The following CNTNAP2 variants were observed in gnomAD, a reference collection of about 807,000 sequenced individuals.
The protein encoded by CNTNAP2 is contactin associated protein 2.
A neutral mutation model predicts 155.2 loss-of-function variants in CNTNAP2; 98 were observed. The ratio of observed to expected loss-of-function variants is 0.63; its 90% confidence interval spans 0.54 to 0.75. CNTNAP2 has a LOEUF of 0.75. Ranked by LOEUF, CNTNAP2 falls within the 30% of genes least tolerant of loss-of-function variation. CNTNAP2 has a pLI of 0.00. For synonymous variants in CNTNAP2, 651 were observed against 631.2 expected (o/e 1.03, Z -0.47); for missense variants, 1,727 against 1,688.1 (o/e 1.02, Z -0.40).
At chr7:146,274,299 G>T (rs187556270) in intron 1 of CNTNAP2, among the ~76,000 whole-genome samples, 3 of 152,272 alleles carry the variant, frequency 2.0e-5, no homozygotes, top group South Asian at 2.1e-4. Context: ...TGCAAATGGC[G>T]TAAGAAATGG....
chr7:146,268,692 T>C (rs6970389), intron 1 of CNTNAP2, among the ~76,000 whole-genome samples: 2,932 of 152,270 alleles, frequency 0.019, 113 homozygotes, highest in African/African-American at 0.067. Flanking sequence ...GAAAGAATAA[T>C]TCATTTAGTT....
chr7:146,240,679 A>G (rs541383810), intron 1 of CNTNAP2, among the ~76,000 whole-genome samples: 1 of 152,268 alleles, frequency 6.6e-6, no homozygotes, highest in African/African-American at 2.4e-5. Flanking sequence ...AGAATTCACA[A>G]ATTCCAGGAT....
At chr7:148,062,011 T>TG (rs1554468163) in intron 15 of CNTNAP2, among the ~76,000 whole-genome samples, 65 of 84,196 alleles carry the variant, frequency 7.7e-4, no homozygotes, top group Non-Finnish European at 1.3e-3. Flanking sequence ...AGATAGATGA[T>TG]AGAGAGAGAG....
At chr7:146,559,890 A>G (rs1044859034) in intron 1 of CNTNAP2, among the ~76,000 whole-genome samples, 15 of 152,270 alleles carry the variant, frequency 9.9e-5, no homozygotes, top group Non-Finnish European at 2.2e-4. Flanking sequence ...CATGGAAATT[A>G]AATGCCCGTC....
At chr7:148,019,385 C>A (rs570799587) in intron 15 of CNTNAP2, among the ~76,000 whole-genome samples, 1 of 152,292 alleles carries the variant, frequency 6.6e-6, no homozygotes, top group East Asian at 1.9e-4. Flanking sequence ...TCGCTTCTTG[C>A]CTCCCAATAT....
Position 148,419,084 on chromosome 7 carries a change from T to C in CNTNAP2, c.*3468T>C, listed in dbSNP as rs927284559. On this transcript the variant is annotated 3_prime_UTR_variant, in exon 24 of 24. Coordinates refer to ENST00000361727, the MANE Select transcript of CNTNAP2 (RefSeq NM_014141.6). ...TTTTCTTTCCTTCTATGATGGAATC[T>C]GTTCTTTTCTATCCTACTTTTTTCT... 1 of 152,268 alleles carries C rather than the reference T, an allele frequency of 6.6e-6. No homozygotes were observed. Among genetic ancestry groups the C allele is most frequent in the Non-Finnish European group, 1.5e-5 (1 of 68,086 alleles). The allele number at this position is 152,268 out of a possible 1,614,324, so 9.4% of individuals were successfully genotyped here. A position where few individuals can be genotyped will look rare whatever the true frequency, so the allele number is the denominator to read the frequency against.
intron 11 of CNTNAP2, among the ~76,000 whole-genome samples, chr7:147,553,316 T>C (rs536163862): frequency 6.6e-6 from 1 of 152,108 alleles, no homozygotes; most frequent in Non-Finnish European, 1.5e-5. Context: ...GAGAAAACCA[T>C]TAAATGATCT....
rs1220710200 is a variant in CNTNAP2, at chr7:146,389,023, T to C, written c.97+272050T>C. ...AGAACTGGCTTTCCAAACAAATTAA[T>C]AGCACAAGTGTTGAAAGGCCAAAAC... On this transcript the variant is annotated intron_variant, in intron 1 of 23. Coordinates refer to ENST00000361727, the MANE Select transcript of CNTNAP2 (RefSeq NM_014141.6). Among the ~76,000 whole-genome samples the C allele has an allele frequency of 2.6e-5, 4 of 152,094 alleles. No homozygotes were observed. The East Asian group carries it at 7.7e-4, about 29-fold the overall frequency.
chr7:146,230,860 C>CA (rs1216079595), intron 1 of CNTNAP2, among the ~76,000 whole-genome samples: 2 of 151,896 alleles, frequency 1.3e-5, no homozygotes, highest in Non-Finnish European at 2.9e-5. Flanking sequence ...ACTAACAATA[C>CA]AAAAAATAGC....
chr7:146,220,723 C>T (rs542615218), intron 1 of CNTNAP2, among the ~76,000 whole-genome samples: 18 of 152,096 alleles, frequency 1.2e-4, no homozygotes, highest in Non-Finnish European at 2.1e-4. Context: ...TTCTGTTACA[C>T]AAAAACTTTT....
chr7:148,301,306 A>ATAT (rs1554414674), intron 21 of CNTNAP2, among the ~76,000 whole-genome samples: 4,202 of 103,778 alleles, frequency 0.04, 131 homozygotes, highest in Admixed American at 0.075. Flanking sequence ...AAAAAAAAAA[A>ATAT]ATATATATAT....
chr7:148,079,905 C>T (rs1007378277), intron 15 of CNTNAP2, among the ~76,000 whole-genome samples: 8 of 152,090 alleles, frequency 5.3e-5, no homozygotes, highest in Non-Finnish European at 8.8e-5. Context: ...TTTGGAATGC[C>T]CTTGGCTGAG....
intron 1 of CNTNAP2, among the ~76,000 whole-genome samples, chr7:146,535,941 T>C (rs1797862738): frequency 1.3e-5 from 2 of 152,154 alleles, no homozygotes; most frequent in African/African-American, 2.4e-5. Context: ...CAAAGAAATG[T>C]GATGAAAATT....
At chr7:147,226,808 T>C (rs1018748386) in intron 8 of CNTNAP2, among the ~76,000 whole-genome samples, 5 of 152,232 alleles carry the variant, frequency 3.3e-5, no homozygotes, top group African/African-American at 4.8e-5. Context: ...TTCATGCTAC[T>C]TCAGTATACT....
intron 18 of CNTNAP2, among the ~76,000 whole-genome samples, chr7:148,180,803 G>A (rs903933121): frequency 6.6e-6 from 1 of 152,168 alleles, no homozygotes; most frequent in African/African-American, 2.4e-5. Context: ...CAAGAAGGAG[G>A]TGCTTTAGCC....
intron 2 of CNTNAP2, among the ~76,000 whole-genome samples, chr7:146,793,440 T>A (rs1247975247): frequency 6.6e-6 from 1 of 152,154 alleles, no homozygotes; most frequent in East Asian, 1.9e-4. Context: ...ACCCTGGGGA[T>A]GTGCAGGGTG....
intron 1 of CNTNAP2, among the ~76,000 whole-genome samples, chr7:146,448,385 A>T (rs1451730353): frequency 2.0e-5 from 3 of 148,050 alleles, no homozygotes; most frequent in South Asian, 2.1e-4. Flanking sequence ...GGGATAAAGA[A>T]TATAGGATTT....
chr7:146,642,792 C>T (rs1799735057), intron 1 of CNTNAP2, among the ~76,000 whole-genome samples: 1 of 151,832 alleles, frequency 6.6e-6, no homozygotes, highest in Admixed American at 6.6e-5. Context: ...AAAAGTGTTC[C>T]TATTTCTCCA....
chr7:146,893,610 C>A, intron 3 of CNTNAP2, among the ~76,000 whole-genome samples: 1 of 151,976 alleles, frequency 6.6e-6, no homozygotes, highest in East Asian at 1.9e-4. Context: ...ACTGACTATT[C>A]ATCTGTTCTA....
Sources: allele counts gnomAD v4.1 joint callset (sites outside exome capture counted in the v4.1 genomes callset), GRCh38; gene constraint gnomAD v4.1.1; transcripts MANE v1.5; gene names NCBI Gene and HGNC (gene_info 2026-07-23, HGNC 2026-07-21).